AGMO: variants seen among roughly 807,000 people sequenced by gnomAD.
The protein encoded by AGMO is alkylglycerol monooxygenase, also known as glyceryl-ether monooxygenase.
In AGMO, 75 loss-of-function variants were observed where a neutral mutation model predicts 60.2. That is an observed-to-expected ratio of 1.25 (90% confidence interval 1.03 to 1.51). AGMO has a LOEUF of 1.51. Ranked by LOEUF, AGMO falls within the 40% of genes most tolerant of loss-of-function variation. AGMO has a pLI of 0.00. For synonymous variants in AGMO, 261 were observed against 177.1 expected (o/e 1.47, Z -3.76); for missense variants, 763 against 525.5 (o/e 1.45, Z -4.42).
chr7:15,394,465 G>A (rs1466578453), intron 5 of AGMO, among the ~76,000 whole-genome samples: 1 of 152,084 alleles, frequency 6.6e-6, no homozygotes, highest in Non-Finnish European at 1.5e-5. Context: ...GTGTGATCCT[G>A]GGGAAACGAC....
chr7:15,145,958 T>C, the AGMO span, among the ~76,000 whole-genome samples: 2 of 152,190 alleles, frequency 1.3e-5, no homozygotes, highest in Non-Finnish European at 2.9e-5. Flanking sequence ...CGGAAGGTAT[T>C]TGATTGTTAA....
chr7:15,334,869 T>C (rs905898362), intron 12 of AGMO, among the ~76,000 whole-genome samples: 1 of 152,166 alleles, frequency 6.6e-6, no homozygotes, highest in Non-Finnish European at 1.5e-5. Context: ...AACCTAGCTA[T>C]AAATTCACAG....
At chr7:15,314,669 G>C (rs1780863951) in intron 12 of AGMO, among the ~76,000 whole-genome samples, 1 of 151,996 alleles carries the variant, frequency 6.6e-6, no homozygotes, top group Non-Finnish European at 1.5e-5. Context: ...TAGTGATGTG[G>C]GTAGGGCCTC....
At chr7:15,189,750 G>A in the AGMO span, among the ~76,000 whole-genome samples, 1 of 151,490 alleles carries the variant, frequency 6.6e-6, no homozygotes, top group Non-Finnish European at 1.5e-5. Flanking sequence ...TCATGTCTTC[G>A]AGCGCTGAGA....
intron 1 of AGMO, among the ~76,000 whole-genome samples, chr7:15,561,487 A>G (rs1785305712): frequency 6.6e-6 from 1 of 152,214 alleles, no homozygotes; most frequent in Non-Finnish European, 1.5e-5. Context: ...TGTTTTTGTC[A>G]TATTCTGGAG....
intron 3 of AGMO, among the ~76,000 whole-genome samples, chr7:15,484,846 A>G (rs1439794337): frequency 6.6e-6 from 1 of 152,194 alleles, no homozygotes; most frequent in Non-Finnish European, 1.5e-5. Context: ...CACATACTTT[A>G]AAGAGTAATT....
At chr7:15,341,666 A>G (rs576582049) in intron 12 of AGMO, among the ~76,000 whole-genome samples, 9 of 152,228 alleles carry the variant, frequency 5.9e-5, no homozygotes, top group East Asian at 5.8e-4. Context: ...CCAATTTACT[A>G]TATTAGTCCA....
At chr7:15,396,070 CCT>C (rs1354573547) in intron 5 of AGMO, 1 of 152,194 alleles carries the variant, frequency 6.6e-6, no homozygotes, top group East Asian at 1.9e-4. Flanking sequence ...TGTCTCTCTC[CCT>C]GTTGCCCAGC....
the AGMO span, among the ~76,000 whole-genome samples, chr7:15,162,058 A>T: frequency 1.3e-5 from 2 of 152,098 alleles, no homozygotes; most frequent in African/African-American, 4.8e-5. Context: ...TGTTCTCATG[A>T]TAGTGAGTGA....
intron 2 of AGMO, among the ~76,000 whole-genome samples, chr7:15,559,417 A>G (rs957398478): frequency 1.3e-5 from 2 of 152,034 alleles, no homozygotes; most frequent in African/African-American, 4.8e-5. Flanking sequence ...GTTGGAAAAC[A>G]GATAAAGCTT....
At chr7:15,280,860 G>A (rs1279008600) in intron 12 of AGMO, among the ~76,000 whole-genome samples, 1 of 152,178 alleles carries the variant, frequency 6.6e-6, no homozygotes, top group Non-Finnish European at 1.5e-5. Context: ...ACACACTATG[G>A]CTATTTATAA....
rs377220843 is a variant in AGMO, at chr7:15,392,162, C to T, written c.677-1257G>A. 5.9e-5 allele frequency among the ~76,000 whole-genome samples: 9 copies of T among 152,072 alleles called. 1 individual carries two copies. The highest frequency in any genetic ancestry group is 2.2e-4 in the African/African-American group (9 of 41,526). ...TCGGCTCACTGCAAGCTCTGCCTCCCGGGTTCACGCCATTCTCCTGCCTCA... is the reference window on the plus strand; with the variant it reads ...TCGGCTCACTGCAAGCTCTGCCTCCTGGGTTCACGCCATTCTCCTGCCTCA... On this transcript the variant is annotated intron_variant, in intron 6 of 12. Transcript: ENST00000342526.
rs1562557433 is a variant in AGMO, at chr7:15,531,491, ATATATATTCTATATATATTCTC to A, written c.409+13259_409+13280del. The stretch of plus-strand genomic sequence containing the variant: ...TATATATATTCTCTATATATATTCT[ATATATATTCTATATATATTCTC>A]TATATATATTCTATATATATTCTCT... On this transcript the variant is annotated intron_variant, in intron 3 of 12. Coordinates refer to ENST00000342526, the MANE Select transcript of AGMO (RefSeq NM_001004320.2). 7.5e-4 allele frequency among the ~76,000 whole-genome samples: 24 copies of A among 31,990 alleles called. 5 individuals carry two copies. Among genetic ancestry groups the A allele is most frequent in the South Asian group, 2.8e-3 (3 of 1,068 alleles). The allele number at this position is 31,990 out of a possible 152,430, so 21.0% of individuals were successfully genotyped here. A position where few individuals can be genotyped will look rare whatever the true frequency, so the allele number is the denominator to read the frequency against.
chr7:15,291,819 C>A (rs188247241), intron 12 of AGMO, among the ~76,000 whole-genome samples: 147 of 152,188 alleles, frequency 9.7e-4, no homozygotes, highest in Middle Eastern at 3.4e-3. Flanking sequence ...TCATAAAGGA[C>A]ATAACCTGAA....
At chr7:15,317,856 C>T (rs5027975) in intron 12 of AGMO, among the ~76,000 whole-genome samples, 94,656 of 146,794 alleles carry the variant, frequency 0.64, 30,725 homozygotes, top group Admixed American at 0.75. Flanking sequence ...TATATATATA[C>T]ACACACACAC....
intron 5 of AGMO, among the ~76,000 whole-genome samples, chr7:15,394,430 G>C (rs1235813735): frequency 4.6e-5 from 7 of 151,842 alleles, no homozygotes. Context: ...TTTCAGTTCA[G>C]CTCCAGGAAT....
chr7:15,291,019 T>C (rs1207213572), intron 12 of AGMO, among the ~76,000 whole-genome samples: 1 of 152,168 alleles, frequency 6.6e-6, no homozygotes, highest in Non-Finnish European at 1.5e-5. Context: ...TATTCATTCT[T>C]GTGTGCAATA....
intron 10 of AGMO, among the ~76,000 whole-genome samples, chr7:15,370,804 GGTAGTT>G (rs1467444634): frequency 3.9e-5 from 6 of 151,994 alleles, no homozygotes; most frequent in Admixed American, 1.3e-4. Flanking sequence ...TTGTCAGATG[GGTAGTT>G]GGCAAATATT....
chr7:15,426,935 G>T (rs565447986), intron 4 of AGMO, among the ~76,000 whole-genome samples: 2 of 152,132 alleles, frequency 1.3e-5, no homozygotes, highest in East Asian at 3.9e-4. Context: ...CTGGAGAGAC[G>T]AAACCAAGTT....
Sources: gnomAD v4.1 joint callset for allele counts (sites outside exome capture counted in the v4.1 genomes callset) on GRCh38, gnomAD v4.1.1 for gene constraint, MANE v1.5 for transcripts, NCBI Gene and HGNC (gene_info 2026-07-23, HGNC 2026-07-21) for gene names.